LEKR1: variants seen among roughly 807,000 people sequenced by gnomAD.
LEKR1 encodes leucine, glutamate and lysine rich 1.
In LEKR1, 59 loss-of-function variants were observed where a neutral mutation model predicts 72.4. The observed-to-expected ratio is 0.82, with a 90% CI of 0.66 to 1.01. LEKR1 has a LOEUF of 1.01. LEKR1 is among the 50% of genes least tolerant of loss of function. The probability of loss-of-function intolerance (pLI) is 0.00; values close to 1 mark genes in which losing one functional copy is unlikely to be tolerated. For missense variants in LEKR1, 728 were observed against 759.2 expected, an observed-to-expected ratio of 0.96 and a Z score of 0.48; for synonymous variants, 257 against 263.2, an observed-to-expected ratio of 0.98 and a Z score of 0.23.
intron 6 of LEKR1, among the ~76,000 whole-genome samples, chr3:156,951,731 G>T (rs9840802): frequency 0.99 from 150,816 of 151,656 alleles, 74,991 homozygotes; most frequent in Middle Eastern, 1. Context: ...CTAATTGGGT[G>T]TATTTGGATC....
chr3:157,027,527 G>C (rs79070429), intron 11 of LEKR1, among the ~76,000 whole-genome samples: 58 of 152,170 alleles, frequency 3.8e-4, no homozygotes, highest in African/African-American at 1.3e-3. Context: ...GTCAAGACTT[G>C]AGCTGAGGCT....
intron 6 of LEKR1, among the ~76,000 whole-genome samples, chr3:156,961,818 C>A (rs1728157329): frequency 6.6e-6 from 1 of 152,036 alleles, no homozygotes; most frequent in Non-Finnish European, 1.5e-5. Flanking sequence ...TTCTTACCTA[C>A]CTTAATACAT....
chr3:156,943,873 A>G (rs1485124769), intron 6 of LEKR1, among the ~76,000 whole-genome samples: 1 of 151,868 alleles, frequency 6.6e-6, no homozygotes, highest in African/African-American at 2.4e-5. Context: ...TTAAAATCAG[A>G]TAAAATTTAA....
At chr3:156,933,328 G>A (rs1271875698) in intron 5 of LEKR1, among the ~76,000 whole-genome samples, 1 of 152,046 alleles carries the variant, frequency 6.6e-6, no homozygotes, top group Non-Finnish European at 1.5e-5. Context: ...ACCTAGGAGT[G>A]GAATGGCTGA....
intron 2 of LEKR1, among the ~76,000 whole-genome samples, chr3:156,831,772 G>A (rs992328554): frequency 1.3e-5 from 2 of 152,118 alleles, no homozygotes; most frequent in Non-Finnish European, 2.9e-5. Context: ...TCCCCCTCAC[G>A]ATGTGGGAAT....
intron 3 of LEKR1, among the ~76,000 whole-genome samples, chr3:156,870,081 A>G (rs1186979565): frequency 6.6e-6 from 1 of 152,060 alleles, no homozygotes; most frequent in African/African-American, 2.4e-5. Flanking sequence ...TTTTTATGCC[A>G]ATTGCATGTT....
At chr3:156,837,626 T>G (rs1014605188) in intron 2 of LEKR1, among the ~76,000 whole-genome samples, 1 of 152,120 alleles carries the variant, frequency 6.6e-6, no homozygotes, top group Non-Finnish European at 1.5e-5. Flanking sequence ...CACATAAAGA[T>G]AAAAACTGAG....
At chr3:157,008,189 A>G (rs957146603) in intron 9 of LEKR1, among the ~76,000 whole-genome samples, 17 of 152,120 alleles carry the variant, frequency 1.1e-4, no homozygotes, top group Non-Finnish European at 2.9e-5. Flanking sequence ...TTTGAGCACA[A>G]TTTGAACAGT....
intron 12 of LEKR1, among the ~76,000 whole-genome samples, chr3:157,044,092 G>A (rs1368696305): frequency 6.6e-6 from 1 of 152,214 alleles, no homozygotes; most frequent in Non-Finnish European, 1.5e-5. Flanking sequence ...TCTTCTGACA[G>A]CAGATTAGTC....
At position 157,045,810 on chromosome 3, in the gene LEKR1, A is replaced by G; in HGVS notation, c.*60A>G. On this transcript the variant is annotated 3_prime_UTR_variant, in exon 13 of 13. Transcript: ENST00000356539. ...GCACGCTCTTTCAGAGAGTGCCAGGAATTCACTGTAACTGAGAATGACAAT... is the reference window on the plus strand; with the variant it reads ...GCACGCTCTTTCAGAGAGTGCCAGGGATTCACTGTAACTGAGAATGACAAT... 1 of 1,373,026 alleles carries G rather than the reference A, an allele frequency of 7.3e-7. No homozygotes were observed. Among genetic ancestry groups the G allele is most frequent in the Non-Finnish European group, 1.0e-6 (1 of 992,108 alleles). The allele number at this position is 1,373,026 out of a possible 1,614,324, so 85.1% of individuals were successfully genotyped here. A position where few individuals can be genotyped will look rare whatever the true frequency, so the allele number is the denominator to read the frequency against.
chr3:156,991,057 A>C (rs1456605655), intron 7 of LEKR1, among the ~76,000 whole-genome samples: 1 of 152,196 alleles, frequency 6.6e-6, no homozygotes, highest in African/African-American at 2.4e-5. Flanking sequence ...AAAATAGGGC[A>C]GTGGCAGAGA....
intron 12 of LEKR1, among the ~76,000 whole-genome samples, chr3:157,043,412 T>A (rs1203344895): frequency 2.6e-5 from 4 of 151,256 alleles, no homozygotes; most frequent in African/African-American, 7.3e-5. Context: ...TAATAGAACT[T>A]AGAAAACCTG....
At chr3:156,880,299 A>G (rs1719133431) in intron 3 of LEKR1, among the ~76,000 whole-genome samples, 1 of 152,346 alleles carries the variant, frequency 6.6e-6, no homozygotes, top group African/African-American at 2.4e-5. Context: ...TGGAGCTTTA[A>G]GATTTGACTG....
chr3:156,957,195 C>T (rs1442020008), intron 6 of LEKR1, among the ~76,000 whole-genome samples: 2 of 151,912 alleles, frequency 1.3e-5, no homozygotes, highest in African/African-American at 4.8e-5. Flanking sequence ...TTATCCCATG[C>T]CAACATTTAG....
rs537452848 is a variant in LEKR1 at position 156,924,006 on chromosome 3, C to T, written c.383+3312C>T. ...CCTCCCAAAGTGCTGGGATTATAGGCGTGAGCTACCGCGCCCTGCCAATCA... is the reference window on the plus strand; with the variant it reads ...CCTCCCAAAGTGCTGGGATTATAGGTGTGAGCTACCGCGCCCTGCCAATCA... On this transcript the variant is annotated intron_variant, in intron 4 of 12. Transcript: ENST00000356539. Among the ~76,000 whole-genome samples, 196 of 152,272 alleles carry T rather than the reference C, an allele frequency of 1.3e-3. 1 individual carries two copies. Among genetic ancestry groups the T allele is most frequent in the Non-Finnish European group, 2.2e-3 (148 of 68,014 alleles).
rs1735354431 is a variant in LEKR1 at position 157,041,658 on chromosome 3, C to G, written c.1669-3682C>G. The stretch of plus-strand genomic sequence containing the variant: ...TTGCCCCTTCTTCACCTGGCTCATG[C>G]CTTCCTTTCCATTTTGACTTCCAGT... On this transcript the variant is annotated intron_variant, in intron 12 of 12. Coordinates refer to ENST00000356539, the MANE Select transcript of LEKR1 (RefSeq NM_001004316.3). Among the ~76,000 whole-genome samples, 4 of 152,134 alleles carry G rather than the reference C, an allele frequency of 2.6e-5. No homozygotes were observed. In the South Asian group the frequency reaches 8.3e-4, roughly 32 times the overall value.
chr3:156,885,301 T>A (rs1255261004), intron 3 of LEKR1, among the ~76,000 whole-genome samples: 1 of 152,220 alleles, frequency 6.6e-6, no homozygotes. Flanking sequence ...GATTTCTTCC[T>A]GGTTTGGATC....
At chr3:156,963,969 G>C (rs536728365) in intron 6 of LEKR1, among the ~76,000 whole-genome samples, 5 of 152,178 alleles carry the variant, frequency 3.3e-5, no homozygotes, top group Non-Finnish European at 1.5e-5. Context: ...TTTATGTGGG[G>C]AAGGCAGAAG....
intron 6 of LEKR1, among the ~76,000 whole-genome samples, chr3:156,955,938 T>G (rs1259533652): frequency 1.4e-5 from 2 of 140,498 alleles, no homozygotes; most frequent in Non-Finnish European, 3.0e-5. Context: ...GGGAAAAGGA[T>G]GTTCATACTG....
Sources: allele counts gnomAD v4.1 joint callset (sites outside exome capture counted in the v4.1 genomes callset), GRCh38; gene constraint gnomAD v4.1.1; transcripts MANE v1.5; gene names NCBI Gene and HGNC (gene_info 2026-07-23, HGNC 2026-07-21).